VCP: variants seen among roughly 807,000 people sequenced by gnomAD.
The protein encoded by VCP is transitional endoplasmic reticulum ATPase.
VCP carries 6 observed loss-of-function variants against 85.7 expected under a neutral mutation model. That is an observed-to-expected ratio of 0.07 (90% confidence interval 0.04 to 0.14). The LOEUF (loss-of-function observed/expected upper bound fraction) is 0.14, where lower values mean the gene tolerates loss of function less well. Among genes scored for constraint, VCP ranks in the 10% least tolerant of loss-of-function variants. VCP has a pLI of 1.00. For synonymous variants in VCP, 384 were observed against 367.1 expected, an observed-to-expected ratio of 1.05 and a Z score of -0.53; for missense variants, 353 against 1,043.4, an observed-to-expected ratio of 0.34 and a Z score of 9.12.
chr9:35,066,582 TAAAAAAAA>T (rs35504855), intron 4 of VCP, 85 bp downstream of exon 4: 3 of 1,230,118 alleles, frequency 2.4e-6, no homozygotes, highest in African/African-American at 1.6e-5. Context: ...ATAAAAGATT[TAAAAAAAA>T]AAAAAGAAAA....
rs1244521461 is a variant in VCP at position 35,057,540 on chromosome 9, G to A, written c.2161-10C>T. On this transcript the variant is annotated splice_polypyrimidine_tract_variant and intron_variant, in intron 15 of 16. Coordinates refer to ENST00000358901, the MANE Select transcript of VCP (RefSeq NM_007126.5). ...CATCCTCTTCTACCTCCTATAGTTG[G>A]TAAACACAGATCACTAGGGCTAGTT... 1 of 1,606,848 alleles carries A rather than the reference G, an allele frequency of 6.2e-7. No homozygotes were observed. The highest frequency in any genetic ancestry group is 2.2e-5 in the East Asian group (1 of 44,886).
In VCP at chr9:35,057,035, G is replaced by T; in HGVS notation, c.*82C>A. ...TGGAGCAGGCTGTGGGCGCACCCCT[G>T]GTCCCTCTCCTGGGCAAGCGCCCCC... On this transcript the variant is annotated 3_prime_UTR_variant, in exon 17 of 17. Transcript: ENST00000358901. 1 of 1,396,912 alleles carries T rather than the reference G, an allele frequency of 7.2e-7. No homozygotes were observed. The highest frequency in any genetic ancestry group is 1.0e-6 in the Non-Finnish European group (1 of 987,798). 86.5% of individuals were successfully genotyped at this position (1,396,912 alleles called of 1,614,324 possible).
chr9:35,068,968 T>C (rs529800001), intron 1 of VCP, among the ~76,000 whole-genome samples: 6 of 152,260 alleles, frequency 3.9e-5, no homozygotes, highest in African/African-American at 1.2e-4. Flanking sequence ...TAAGCTAACT[T>C]TCCAGGGAAT....
rs775567003 is a variant in VCP at position 35,066,723 on chromosome 9, C to A, written c.397G>T (p.Val133Leu). 6.2e-7 allele frequency: 1 copy of A among 1,614,146 alleles called. No homozygotes were observed. The highest frequency in any genetic ancestry group is 1.1e-5 in the South Asian group (1 of 91,084). The change falls in exon 4 of 17, where the codon GTA becomes TTA. Residue 133 changes from valine to leucine, a missense_variant. Val to Leu is a conservative substitution (Grantham distance 32, BLOSUM62 1). Around this residue, in one of 8 missense-constraint regions of VCP, gnomAD observed 85 missense variants for 345.2 expected, o/e 0.25. Transcript: ENST00000358901. ...TCCAGGAAGTACGGCTTAAGGTATA[C>A]CTCGAAGAGATTACCAGTAATGCCT... The part of the protein sequence containing the change: ...VEGITGNLFE[V>L]YLKPYFLEAY...
Position 35,056,926 on chromosome 9 carries a change from ATTTTATCGCTTTTG to A in VCP, c.*177_*190del, listed in dbSNP as rs1828618813. 4 of 634,392 alleles carry A rather than the reference ATTTTATCGCTTTTG, an allele frequency of 6.3e-6. No individual in the cohort carries two copies. Among genetic ancestry groups the A allele is most frequent in the Admixed American group, 2.6e-5 (1 of 39,026 alleles). The allele number at this position is 634,392 out of a possible 1,614,324, so 39.3% of individuals were successfully genotyped here. On this transcript the variant is annotated 3_prime_UTR_variant, in exon 17 of 17. Transcript: ENST00000358901. ...CGCCTACCAAATGAAAATCGCTTTTATTTTATCGCTTTTGTTTTGTATTTTTGCAACAGAAACCC... is the reference window on the plus strand; with the variant it reads ...CGCCTACCAAATGAAAATCGCTTTTATTTTGTATTTTTGCAACAGAAACCC...
chr9:35,061,961 G>T (rs757942669), intron 9 of VCP, 42 bp downstream of exon 9: 1 of 1,613,952 alleles, frequency 6.2e-7, no homozygotes, highest in Non-Finnish European at 8.5e-7. Flanking sequence ...AGAGAAGTAG[G>T]ACCTAAGCAA....
Position 35,072,618 on chromosome 9 carries a change from C to G in VCP, c.-265G>C. 7 of 467,814 alleles carry G rather than the reference C, an allele frequency of 1.5e-5. No individual in the cohort carries two copies. The South Asian group carries it at 1.7e-4, about 11-fold the overall frequency. 29.0% of individuals were successfully genotyped at this position (467,814 alleles called of 1,614,324 possible). A position where few individuals can be genotyped will look rare whatever the true frequency, so the allele number is the denominator to read the frequency against. On this transcript the variant is annotated 5_prime_UTR_variant, in exon 1 of 17. Coordinates refer to ENST00000358901, the MANE Select transcript of VCP (RefSeq NM_007126.5). ...TCAAACGACGGTCGCAGACGCTTCG[C>G]TGAGACTGAGCCGAGAAGAGCCGAA...
intron 9 of VCP, 68 bp from the exon 10 acceptor site, chr9:35,061,757 T>C (rs1828725555): frequency 7.0e-7 from 1 of 1,434,734 alleles, no homozygotes. Context: ...AGGCCTAGGG[T>C]GACCAACCAT....
rs1227544387 is a variant in VCP, at chr9:35,061,188, A to G, written c.1195-9T>C. The G allele has an allele frequency of 1.2e-6, 2 of 1,612,614 alleles. No homozygotes were observed. Among genetic ancestry groups the G allele is most frequent in the African/African-American group, 2.7e-5 (2 of 74,890 alleles). ...TGAGTCTCATTGGCTACCTGCAGAGAAAGATCTACTTACTATGCTGCCTCA... is the reference window on the plus strand; with the variant it reads ...TGAGTCTCATTGGCTACCTGCAGAGGAAGATCTACTTACTATGCTGCCTCA... On this transcript the variant is annotated splice_polypyrimidine_tract_variant and intron_variant, in intron 10 of 16. Coordinates refer to ENST00000358901, the MANE Select transcript of VCP (RefSeq NM_007126.5).
chr9:35,058,760 T>TCAA (rs1459439155), intron 15 of VCP, among the ~76,000 whole-genome samples: 1 of 151,882 alleles, frequency 6.6e-6, no homozygotes, highest in African/African-American at 2.4e-5. Context: ...GAGTGAGACT[T>TCAA]CGTCTCAAAA....
chr9:35,056,687 TA>T lies in VCP; in HGVS notation c.*429del, dbSNP rs1828613059. 1 of 256,644 alleles carries T rather than the reference TA, an allele frequency of 3.9e-6. No individual in the cohort carries two copies. Among genetic ancestry groups the T allele is most frequent in the African/African-American group, 2.2e-5 (1 of 45,570 alleles). 15.9% of individuals were successfully genotyped at this position (256,644 alleles called of 1,614,324 possible). ...AAAATAAATCAACCTACTCTCTATA[TA>T]AACATCCAGCAACTGTGGCCCCTAC... On this transcript the variant is annotated 3_prime_UTR_variant, in exon 17 of 17. Coordinates refer to ENST00000358901, the MANE Select transcript of VCP (RefSeq NM_007126.5).
rs201091341 is a variant in VCP at position 35,057,113 on chromosome 9, C to A, written c.*4G>T. ...CCAGCTCACTGCACGCTGGCCACCA[C>A]CACTTAGCCATACAGGTCATCATCA... On this transcript the variant is annotated 3_prime_UTR_variant, in exon 17 of 17. Transcript: ENST00000358901. 5.7e-4 allele frequency: 918 copies of A among 1,613,938 alleles called. 4 individuals are homozygous for A. Among genetic ancestry groups the A allele is most frequent in the Middle Eastern group, 3.8e-3 (23 of 6,084 alleles).
At chr9:35,065,963 T>C (rs1828820976) in intron 4 of VCP, among the ~76,000 whole-genome samples, 1 of 151,966 alleles carries the variant, frequency 6.6e-6, no homozygotes, top group Non-Finnish European at 1.5e-5. Flanking sequence ...CCGTCTCTAC[T>C]AAAAACACAA....
At position 35,066,702 on chromosome 9, in the gene VCP, G is replaced by A. The variant is rs778524417; in HGVS notation, c.418C>T (p.Leu140=). ...LFEVYLKPYF[L]EAYRPIRKGD... is the part of the protein sequence containing the mutation. ...TTCCGGATGGGTCGATACGCTTCCA[G>A]GAAGTACGGCTTAAGGTATACCTCG... Residue 140 remains leucine, a synonymous_variant, in exon 4 of 17, where the codon CTG becomes TTG. Coordinates refer to ENST00000358901, the MANE Select transcript of VCP (RefSeq NM_007126.5). 5 of 1,614,020 alleles carry A rather than the reference G, an allele frequency of 3.1e-6. No homozygotes were observed. The highest frequency in any genetic ancestry group is 4.2e-6 in the Non-Finnish European group (5 of 1,180,036).
At position 35,057,096 on chromosome 9, in the gene VCP, C is replaced by T. The variant is rs201156097; in HGVS notation, c.*21G>A. ...AACAAGGTCCAGGCAGGCCAGCTCA[C>T]TGCACGCTGGCCACCACCACTTAGC... is the stretch of plus-strand genomic sequence containing the variant. On this transcript the variant is annotated 3_prime_UTR_variant, in exon 17 of 17. Coordinates refer to ENST00000358901, the MANE Select transcript of VCP (RefSeq NM_007126.5). 2 of 1,613,414 alleles carry T rather than the reference C, an allele frequency of 1.2e-6. No individual in the cohort carries two copies. Among genetic ancestry groups the T allele is most frequent in the African/African-American group, 2.7e-5 (2 of 75,066 alleles).
intron 1 of VCP, chr9:35,071,747 G>A (rs1294563772): frequency 1.0e-6 from 1 of 989,666 alleles, no homozygotes; most frequent in Non-Finnish European, 1.2e-6. Context: ...CACACACAGA[G>A]GATGCCCACC....
chr9:35,069,205 G>C (rs886467100), intron 1 of VCP, among the ~76,000 whole-genome samples: 42 of 152,126 alleles, frequency 2.8e-4, no homozygotes, highest in Non-Finnish European at 5.0e-4. Context: ...AGGTCAAAAG[G>C]AACTTCACAG....
chr9:35,061,855 T>C (rs1179089329), intron 9 of VCP, 148 bp downstream of exon 9: 38 of 1,490,424 alleles, frequency 2.5e-5, no homozygotes, highest in African/African-American at 4.1e-5. Flanking sequence ...ACCAGGGTGG[T>C]TGGTCACTCT....
rs1431959716 is a variant in VCP, at chr9:35,061,126, T to C, written c.1248A>G (p.Ser416=). ...HVGADLAALC[S]EAALQAIRKK... ...TGCGGATGGCTTGCAGAGCAGCCTCTGAGCACAGGGCTGCTAAGTCAGCAC... is the reference window on the plus strand; with the variant it reads ...TGCGGATGGCTTGCAGAGCAGCCTCCGAGCACAGGGCTGCTAAGTCAGCAC... Residue 416 remains serine, a synonymous_variant, in exon 11 of 17, where the codon TCA becomes TCG. Transcript: ENST00000358901. 6.2e-7 allele frequency: 1 copy of C among 1,614,114 alleles called. No homozygotes were observed. Among genetic ancestry groups the C allele is most frequent in the South Asian group, 1.1e-5 (1 of 91,082 alleles).
Sources: gnomAD v4.1 joint callset for allele counts (sites outside exome capture counted in the v4.1 genomes callset) on GRCh38, gnomAD v4.1.1 for gene constraint, gnomAD v4.1.1 regional missense constraint, MANE v1.5 for transcripts, NCBI Gene and HGNC (gene_info 2026-07-23, HGNC 2026-07-21) for gene names.